The following TNKS variants were observed in gnomAD, a reference collection of about 807,000 sequenced individuals.
TNKS encodes tankyrase.
Under a neutral mutation model 135.8 loss-of-function variants are expected in TNKS, and 72 were observed. The observed-to-expected ratio is 0.53, with a 90% CI of 0.44 to 0.64. The LOEUF is 0.64. Among genes scored for constraint, TNKS ranks in the 30% least tolerant of loss-of-function variants. The pLI, the probability that TNKS is intolerant of heterozygous loss-of-function variation, is 0.00. For synonymous variants in TNKS, 849 were observed against 649.3 expected, an observed-to-expected ratio of 1.31 and a Z score of -4.68; for missense variants, 1,769 against 1,674.0, an observed-to-expected ratio of 1.06 and a Z score of -0.99.
intron 2 of TNKS, among the ~76,000 whole-genome samples, chr8:9,603,151 C>T (rs1799081961): frequency 6.6e-6 from 1 of 152,014 alleles, no homozygotes. Flanking sequence ...CTCCCAGTTT[C>T]AGGCCATTCT....
chr8:9,736,073 A>C (rs1323801379), intron 17 of TNKS, among the ~76,000 whole-genome samples: 1 of 71,962 alleles, frequency 1.4e-5, no homozygotes, highest in South Asian at 4.3e-4. Context: ...ATATTTATCA[A>C]TATTGTAATA....
At chr8:9,771,110 G>C (rs542385455) in intron 26 of TNKS, among the ~76,000 whole-genome samples, 1 of 151,296 alleles carries the variant, frequency 6.6e-6, no homozygotes. Context: ...GTGTATATGA[G>C]AGAAAGAGAA....
intron 3 of TNKS, among the ~76,000 whole-genome samples, chr8:9,677,542 GTCTA>G (rs1261270719): frequency 6.6e-6 from 1 of 151,544 alleles, no homozygotes; most frequent in Non-Finnish European, 1.5e-5. Flanking sequence ...TGTTTTTACT[GTCTA>G]TCAGGGAATT....
At chr8:9,618,767 T>C (rs1799748067) in intron 3 of TNKS, among the ~76,000 whole-genome samples, 1 of 152,122 alleles carries the variant, frequency 6.6e-6, no homozygotes, top group Non-Finnish European at 1.5e-5. Flanking sequence ...AAAAGAAAAA[T>C]CATTTGTAAT....
At chr8:9,754,185 G>T (rs1806709925) in intron 20 of TNKS, among the ~76,000 whole-genome samples, 1 of 152,072 alleles carries the variant, frequency 6.6e-6, no homozygotes, top group African/African-American at 2.4e-5. Flanking sequence ...CAGGTTCTGG[G>T]GATTAGAACA....
chr8:9,574,944 G>C (rs1290528388), intron 1 of TNKS: 1 of 705,586 alleles, frequency 1.4e-6, no homozygotes, highest in East Asian at 1.3e-4. Flanking sequence ...TAGCACTCTT[G>C]TGACTGTGAG....
intron 12 of TNKS, among the ~76,000 whole-genome samples, chr8:9,725,219 A>G (rs777820949): frequency 2.6e-5 from 4 of 152,192 alleles, no homozygotes; most frequent in Admixed American, 6.5e-5. Flanking sequence ...CATTGACCCC[A>G]ATACATAGTG....
intron 24 of TNKS, 126 bp from the exon 25 acceptor site, chr8:9,766,112 AG>A (rs1416002113): frequency 2.4e-6 from 2 of 816,884 alleles, no homozygotes; most frequent in East Asian, 5.3e-5. Context: ...AGACCTTCTT[AG>A]AAAATACTTT....
intron 2 of TNKS, among the ~76,000 whole-genome samples, chr8:9,587,678 A>T (rs1478910962): frequency 6.6e-6 from 1 of 152,206 alleles, no homozygotes; most frequent in South Asian, 2.1e-4. Context: ...CTGGGATTAC[A>T]GGCGTGAGCC....
intron 2 of TNKS, among the ~76,000 whole-genome samples, chr8:9,592,452 G>C (rs1423538793): frequency 6.6e-6 from 1 of 152,192 alleles, no homozygotes; most frequent in Non-Finnish European, 1.5e-5. Flanking sequence ...GGTCTTTATA[G>C]TTCTAGTATA....
At chr8:9,679,749 A>G in intron 3 of TNKS, 1 of 515,302 alleles carries the variant, frequency 1.9e-6, no homozygotes, top group Non-Finnish European at 3.5e-6. Flanking sequence ...TTGGACAAGA[A>G]GCTGCGTCAA....
intron 26 of TNKS, among the ~76,000 whole-genome samples, chr8:9,772,774 T>G (rs1232129676): frequency 2.0e-5 from 3 of 150,668 alleles, no homozygotes; most frequent in Non-Finnish European, 4.4e-5. Flanking sequence ...GTATATAACT[T>G]GTAAACGTTT....
intron 3 of TNKS, among the ~76,000 whole-genome samples, chr8:9,672,711 C>CACACAAAA (rs1399922732): frequency 2.3e-5 from 2 of 85,230 alleles, no homozygotes; most frequent in Non-Finnish European, 4.4e-5. Flanking sequence ...CACACACACA[C>CACACAAAA]AAAAAAAAAA....
intron 13 of TNKS, among the ~76,000 whole-genome samples, chr8:9,730,512 T>C (rs1805382751): frequency 6.6e-6 from 1 of 152,118 alleles, no homozygotes; most frequent in East Asian, 1.9e-4. Flanking sequence ...TCAACTGAGG[T>C]TGGTGTTGGC....
intron 17 of TNKS, among the ~76,000 whole-genome samples, chr8:9,744,640 G>C (rs1806142609): frequency 6.6e-6 from 1 of 152,226 alleles, no homozygotes; most frequent in African/African-American, 2.4e-5. Context: ...GGACCTTCTA[G>C]TTCAATACTT....
chr8:9,571,647 C>T (rs552597685), intron 1 of TNKS, among the ~76,000 whole-genome samples: 85 of 152,152 alleles, frequency 5.6e-4, no homozygotes, highest in Middle Eastern at 3.4e-3. Context: ...GTAGTAGAGA[C>T]GGGGTTTCAC....
At chr8:9,667,707 C>T (rs369447899) in intron 3 of TNKS, among the ~76,000 whole-genome samples, 4 of 152,188 alleles carry the variant, frequency 2.6e-5, no homozygotes, top group African/African-American at 9.7e-5. Flanking sequence ...TGATTTACTT[C>T]TTCAGCTGCA....
At chr8:9,773,724 GA>G (rs11431406) in intron 26 of TNKS, among the ~76,000 whole-genome samples, 4,006 of 148,616 alleles carry the variant, frequency 0.027, 80 homozygotes, top group African/African-American at 0.053. Context: ...TTATTTGAAA[GA>G]AAAAAAAAAT....
intron 14 of TNKS, among the ~76,000 whole-genome samples, chr8:9,731,785 ATTTTG>A (rs941934197): frequency 6.6e-6 from 1 of 151,934 alleles, no homozygotes; most frequent in Non-Finnish European, 1.5e-5. Flanking sequence ...CATTATATGA[ATTTTG>A]TTTTGTTTTG....
Sources: allele counts gnomAD v4.1 joint callset (sites outside exome capture counted in the v4.1 genomes callset), GRCh38; gene constraint gnomAD v4.1.1; transcripts MANE v1.5; gene names NCBI Gene and HGNC (gene_info 2026-07-23, HGNC 2026-07-21).